Variants in CCDC6 observed in about 807,000 individuals in gnomAD.
The protein encoded by CCDC6 is coiled-coil domain-containing protein 6.
CCDC6 carries 20 observed loss-of-function variants against 56.6 expected under a neutral mutation model. The ratio of observed to expected loss-of-function variants is 0.35; its 90% CI spans 0.25 to 0.51. CCDC6 has a LOEUF of 0.51. Among genes scored for constraint, CCDC6 ranks in the 20% least tolerant of loss-of-function variants. The probability of loss-of-function intolerance (pLI) is 0.95; values close to 1 mark genes in which losing one functional copy is unlikely to be tolerated. For synonymous variants in CCDC6, 241 were observed against 234.4 expected (o/e 1.03, Z -0.26); for missense variants, 367 against 601.1 (o/e 0.61, Z 4.07).
chr10:59,884,237 A>T (rs2071366709), intron 1 of CCDC6, among the ~76,000 whole-genome samples: 1 of 152,226 alleles, frequency 6.6e-6, no homozygotes. Flanking sequence ...ACCCCTTCAA[A>T]ACAAACAAAA....
intron 1 of CCDC6, among the ~76,000 whole-genome samples, chr10:59,876,219 T>C (rs1251293605): frequency 1.3e-5 from 2 of 151,882 alleles, no homozygotes; most frequent in Non-Finnish European, 2.9e-5. Context: ...CGGCTAGTTT[T>C]TGTATTTTTA....
intron 3 of CCDC6, among the ~76,000 whole-genome samples, chr10:59,820,994 C>T (rs2070745744): frequency 6.6e-6 from 1 of 151,938 alleles, no homozygotes; most frequent in South Asian, 2.1e-4. Context: ...AAAAGCTTAG[C>T]CCCATCTCCT....
chr10:59,860,264 G>A lies in CCDC6; in HGVS notation c.304-7562C>T, dbSNP rs114508211. Reference sequence around the variant, plus strand: ...ACTCAGACACAGATCCAATGCCCCCGAGGAAAGGCTGGAAACTCTTCTGCC... The same window carrying A: ...ACTCAGACACAGATCCAATGCCCCCAAGGAAAGGCTGGAAACTCTTCTGCC... On this transcript the variant is annotated intron_variant, in intron 1 of 8. Coordinates refer to ENST00000263102, the MANE Select transcript of CCDC6 (RefSeq NM_005436.5). 2.4e-3 allele frequency among the ~76,000 whole-genome samples: 358 copies of A among 152,212 alleles called. 2 individuals are homozygous for A. Among genetic ancestry groups the A allele is most frequent in the African/African-American group, 8.1e-3 (337 of 41,538 alleles).
At chr10:59,822,880 C>A (rs2070758742) in intron 3 of CCDC6, among the ~76,000 whole-genome samples, 1 of 148,622 alleles carries the variant, frequency 6.7e-6, no homozygotes, top group African/African-American at 2.5e-5. Context: ...TGGCCCTGTC[C>A]CACCCCACCC....
intron 1 of CCDC6, among the ~76,000 whole-genome samples, chr10:59,867,586 C>G (rs1309488896): frequency 6.6e-6 from 1 of 152,208 alleles, no homozygotes; most frequent in Non-Finnish European, 1.5e-5. Flanking sequence ...CAAGGTCTCA[C>G]TCTGTCACCC....
At chr10:59,840,238 A>G (rs2070925927) in intron 2 of CCDC6, among the ~76,000 whole-genome samples, 2 of 152,254 alleles carry the variant, frequency 1.3e-5, no homozygotes, top group Non-Finnish European at 2.9e-5. Flanking sequence ...GTCATAGAGA[A>G]TAAGTATTTC....
In CCDC6 at chr10:59,789,250, C is replaced by T. The variant is rs1338741645; in HGVS notation, c.*3667G>A. The T allele has an allele frequency of 3.0e-5, 7 of 231,294 alleles. No homozygotes were observed. The highest frequency in any genetic ancestry group is 1.3e-3 in the Middle Eastern group (1 of 796). The allele number at this position is 231,294 out of a possible 1,614,324, so 14.3% of individuals were successfully genotyped here. On this transcript the variant is annotated 3_prime_UTR_variant, in exon 9 of 9. Transcript: ENST00000263102. ...CAAGAACTAAAGTTGTGCAGTAACC[C>T]GAGTTAAGGCATGAATGCAGACACA...
At chr10:59,852,934 CCTTATT>C (rs2071051510) in intron 1 of CCDC6, among the ~76,000 whole-genome samples, 1 of 152,132 alleles carries the variant, frequency 6.6e-6, no homozygotes, top group Non-Finnish European at 1.5e-5. Flanking sequence ...TATGTGTGGT[CCTTATT>C]CTTAAAGTGA....
At chr10:59,888,373 G>A (rs1258769459) in intron 1 of CCDC6, among the ~76,000 whole-genome samples, 1 of 152,252 alleles carries the variant, frequency 6.6e-6, no homozygotes, top group Admixed American at 6.5e-5. Context: ...GCTTCACACA[G>A]GTGAAGTGGT....
At chr10:59,874,387 C>T (rs370782373) in intron 1 of CCDC6, among the ~76,000 whole-genome samples, 56 of 152,206 alleles carry the variant, frequency 3.7e-4, no homozygotes, top group Admixed American at 9.8e-4. Context: ...TGAAATCCTC[C>T]GTTTACAGAA....
chr10:59,856,484 C>T (rs1285591954), intron 1 of CCDC6, among the ~76,000 whole-genome samples: 4 of 152,162 alleles, frequency 2.6e-5, no homozygotes, highest in Admixed American at 6.5e-5. Context: ...CCCCATATTA[C>T]ACGCAGTATC....
intron 1 of CCDC6, among the ~76,000 whole-genome samples, chr10:59,889,593 AC>A (rs1482157691): frequency 6.6e-6 from 1 of 152,158 alleles, no homozygotes. Context: ...AAGATGCCTC[AC>A]TGCCCTTCTC....
At chr10:59,875,555 G>C (rs899753084) in intron 1 of CCDC6, among the ~76,000 whole-genome samples, 2 of 152,188 alleles carry the variant, frequency 1.3e-5, no homozygotes, top group African/African-American at 4.8e-5. Context: ...TCAAGCACTA[G>C]CAGTTCATCT....
At chr10:59,879,626 C>T (rs998300465) in intron 1 of CCDC6, among the ~76,000 whole-genome samples, 10 of 152,104 alleles carry the variant, frequency 6.6e-5, no homozygotes, top group African/African-American at 2.4e-4. Flanking sequence ...TACTTCTTTA[C>T]TAATTACAGC....
chr10:59,850,949 T>C (rs920916021), intron 2 of CCDC6, among the ~76,000 whole-genome samples: 1 of 152,032 alleles, frequency 6.6e-6, no homozygotes, highest in African/African-American at 2.4e-5. Context: ...TAGTATCTTA[T>C]TTTAAGGAAC....
chr10:59,883,036 A>G (rs1318875254), intron 1 of CCDC6, among the ~76,000 whole-genome samples: 1 of 151,680 alleles, frequency 6.6e-6, no homozygotes, highest in African/African-American at 2.4e-5. Context: ...TGAAAAAAAA[A>G]GGTTTAATTC....
At chr10:59,903,818 T>C (rs1589068283) in intron 1 of CCDC6, among the ~76,000 whole-genome samples, 2 of 152,200 alleles carry the variant, frequency 1.3e-5, no homozygotes, top group African/African-American at 4.8e-5. Context: ...TACTTAAGTG[T>C]TGTTCAATGG....
rs1358962727 is a variant in CCDC6 at position 59,792,219 on chromosome 10, A to C, written c.*698T>G. On this transcript the variant is annotated 3_prime_UTR_variant, in exon 9 of 9. Transcript: ENST00000263102. ...ATTAACATTAAGGATAAAAAAGAGA[A>C]TCACATCTTAATATACGATAATTAT... 3.8e-6 allele frequency: 1 copy of C among 262,260 alleles called. No individual in the cohort carries two copies. The highest frequency in any genetic ancestry group is 2.2e-5 in the African/African-American group (1 of 45,504). 16.2% of individuals were successfully genotyped at this position (262,260 alleles called of 1,614,324 possible).
At chr10:59,843,864 G>T (rs2132651199) in intron 2 of CCDC6, among the ~76,000 whole-genome samples, 1 of 152,264 alleles carries the variant, frequency 6.6e-6, no homozygotes, top group South Asian at 2.1e-4. Flanking sequence ...CTTGAGGTAG[G>T]GTTGACTGAT....
Sources: allele counts gnomAD v4.1 joint callset (sites outside exome capture counted in the v4.1 genomes callset), GRCh38; gene constraint gnomAD v4.1.1; transcripts MANE v1.5; gene names NCBI Gene and HGNC (gene_info 2026-07-23, HGNC 2026-07-21).